Variants in MAGI1 observed in about 807,000 individuals in gnomAD.
The protein encoded by MAGI1 is membrane-associated guanylate kinase, WW and PDZ domain-containing protein 1.
Under a neutral mutation model 139.9 loss-of-function variants are expected in MAGI1, and 58 were observed. The observed-to-expected ratio is 0.41, with a 90% CI of 0.34 to 0.52. The LOEUF (loss-of-function observed/expected upper bound fraction) is 0.52. MAGI1 is among the 20% of genes least tolerant of loss of function. MAGI1 has a pLI of 0.12. For synonymous variants in MAGI1, 812 were observed against 737.9 expected, an observed-to-expected ratio of 1.10 and a Z score of -1.63; for missense variants, 1,874 against 1,901.6, an observed-to-expected ratio of 0.99 and a Z score of 0.27.
chr3:65,400,101 C>T (rs1048843461), intron 13 of MAGI1, among the ~76,000 whole-genome samples: 5 of 152,214 alleles, frequency 3.3e-5, no homozygotes, highest in African/African-American at 1.2e-4. Context: ...GGATGGGTTA[C>T]TGGCTATGAC....
chr3:65,831,956 T>C (rs1390067185), intron 1 of MAGI1, among the ~76,000 whole-genome samples: 1 of 152,192 alleles, frequency 6.6e-6, no homozygotes, highest in Non-Finnish European at 1.5e-5. Flanking sequence ...GAGTAATAAT[T>C]GTGGGGGCCT....
chr3:65,829,606 G>T (rs750082165), intron 1 of MAGI1, among the ~76,000 whole-genome samples: 3 of 152,172 alleles, frequency 2.0e-5, no homozygotes, highest in Non-Finnish European at 4.4e-5. Context: ...AAATTACCCA[G>T]TCTAAGGTAT....
intron 17 of MAGI1, among the ~76,000 whole-genome samples, chr3:65,376,846 G>A (rs1942584310): frequency 6.6e-6 from 1 of 152,180 alleles, no homozygotes; most frequent in Admixed American, 6.5e-5. Flanking sequence ...CGAGAAAAGT[G>A]CATTTGGAGA....
chr3:65,877,268 A>C (rs555042767), intron 1 of MAGI1, among the ~76,000 whole-genome samples: 1 of 152,260 alleles, frequency 6.6e-6, no homozygotes, highest in Admixed American at 6.5e-5. Context: ...AATATGAGTC[A>C]ATGTATGGGA....
chr3:65,361,738 G>A (rs1477749141), intron 21 of MAGI1, among the ~76,000 whole-genome samples: 1 of 152,142 alleles, frequency 6.6e-6, no homozygotes, highest in Non-Finnish European at 1.5e-5. Context: ...CAAAGATCAG[G>A]TCATAAAACG....
chr3:65,891,163 T>C (rs151020471), intron 1 of MAGI1, among the ~76,000 whole-genome samples: 2 of 150,458 alleles, frequency 1.3e-5, no homozygotes, highest in Non-Finnish European at 3.0e-5. Context: ...CAGTGCGCCA[T>C]TACACTTCAG....
intron 1 of MAGI1, chr3:65,687,853 T>G: frequency 1.6e-6 from 1 of 618,144 alleles, no homozygotes; most frequent in South Asian, 1.4e-5. Context: ...CCACCCAGTC[T>G]TCCAAAACTG....
chr3:65,416,794 A>G (rs1946251718), intron 12 of MAGI1, among the ~76,000 whole-genome samples: 1 of 152,184 alleles, frequency 6.6e-6, no homozygotes, highest in South Asian at 2.1e-4. Context: ...AGACATTAAG[A>G]TTCTACCTGC....
At chr3:65,703,622 T>G (rs533473991) in intron 1 of MAGI1, among the ~76,000 whole-genome samples, 1 of 152,322 alleles carries the variant, frequency 6.6e-6, no homozygotes, top group Non-Finnish European at 1.5e-5. Context: ...ACTCAAAATG[T>G]GCAAAACTCA....
intron 1 of MAGI1, among the ~76,000 whole-genome samples, chr3:65,920,748 T>C (rs1341102589): frequency 1.3e-5 from 2 of 152,124 alleles, no homozygotes; most frequent in Non-Finnish European, 2.9e-5. Flanking sequence ...AAGAACAAAA[T>C]GGCAGGGCGC....
At chr3:65,395,871 G>C (rs112907530) in intron 13 of MAGI1, among the ~76,000 whole-genome samples, 1 of 151,868 alleles carries the variant, frequency 6.6e-6, no homozygotes, top group African/African-American at 2.4e-5. Context: ...AGAAAGTTTG[G>C]TGTCGCTACT....
chr3:65,744,080 A>G (rs1002639705), intron 1 of MAGI1, among the ~76,000 whole-genome samples: 1 of 152,188 alleles, frequency 6.6e-6, no homozygotes, highest in Non-Finnish European at 1.5e-5. Context: ...TACATTTCAA[A>G]TCAGTTTTTA....
intron 1 of MAGI1, among the ~76,000 whole-genome samples, chr3:65,818,197 C>T (rs1250541764): frequency 6.6e-6 from 1 of 152,140 alleles, no homozygotes; most frequent in African/African-American, 2.4e-5. Flanking sequence ...ATTAATTAGT[C>T]CTCCATGAGT....
intron 4 of MAGI1, among the ~76,000 whole-genome samples, chr3:65,471,127 A>G (rs1950536386): frequency 6.6e-6 from 1 of 152,128 alleles, no homozygotes; most frequent in Non-Finnish European, 1.5e-5. Context: ...ACCAAGAGTT[A>G]CCCCCAGAAC....
At chr3:65,662,369 T>A (rs937362348) in intron 1 of MAGI1, among the ~76,000 whole-genome samples, 2 of 152,208 alleles carry the variant, frequency 1.3e-5, no homozygotes, top group Admixed American at 6.5e-5. Flanking sequence ...ACAGTAATTA[T>A]TTTAGGCTTT....
At chr3:65,494,184 A>G (rs1325226087) in intron 2 of MAGI1, among the ~76,000 whole-genome samples, 1 of 152,218 alleles carries the variant, frequency 6.6e-6, no homozygotes, top group Non-Finnish European at 1.5e-5. Flanking sequence ...AGGGATTAAA[A>G]TGCTGCTGCT....
chr3:65,673,430 T>C (rs1480560147), intron 1 of MAGI1, among the ~76,000 whole-genome samples: 1 of 152,234 alleles, frequency 6.6e-6, no homozygotes, highest in Non-Finnish European at 1.5e-5. Context: ...ACTACTTAAC[T>C]TGTATGACCA....
intron 1 of MAGI1, among the ~76,000 whole-genome samples, chr3:66,022,121 A>C (rs2067999666): frequency 6.6e-6 from 1 of 152,200 alleles, no homozygotes; most frequent in African/African-American, 2.4e-5. Context: ...ACCAAAAAAA[A>C]GCCTCCAATC....
intron 1 of MAGI1, among the ~76,000 whole-genome samples, chr3:65,722,321 C>T (rs774933584): frequency 7.9e-5 from 12 of 151,950 alleles, no homozygotes; most frequent in Admixed American, 7.2e-4. Context: ...GATGAGAAGC[C>T]GGACAATAAA....
Sources: allele counts gnomAD v4.1 joint callset (sites outside exome capture counted in the v4.1 genomes callset), GRCh38; gene constraint gnomAD v4.1.1; transcripts MANE v1.5; gene names NCBI Gene and HGNC (gene_info 2026-07-23, HGNC 2026-07-21).